CLCN4: variants seen among roughly 807,000 people sequenced by gnomAD.
CLCN4 encodes H(+)/Cl(-) exchange transporter 4.
Under a neutral mutation model 41.7 loss-of-function variants are expected in CLCN4, and 1 was observed. The observed-to-expected ratio is 0.02, with a 90% CI of 0.01 to 0.11. The LOEUF is 0.11. CLCN4 is among the 10% of genes least tolerant of loss of function. The pLI, the probability that CLCN4 is intolerant of heterozygous loss-of-function variation, is 1.00. For synonymous variants in CLCN4, 277 were observed against 285.8 expected (o/e 0.97, Z 0.31); for missense variants, 287 against 661.0 (o/e 0.43, Z 6.20).
chrX:10,197,524 G>C (rs1275219963), intron 5 of CLCN4, among the ~76,000 whole-genome samples: 2 of 110,783 alleles, frequency 1.8e-5, no homozygotes, highest in African/African-American at 6.6e-5. Flanking sequence ...GCTGTGCTTG[G>C]GCGTGGCCTT....
At chrX:10,175,913 CCTCT>C (rs1164134057) in intron 2 of CLCN4, among the ~76,000 whole-genome samples, 10 of 77,356 alleles carry the variant, frequency 1.3e-4, no homozygotes, top group Non-Finnish European at 2.2e-4. Flanking sequence ...TCCCTCCCTC[CCTCT>C]CTCTCTCTCT....
intron 12 of CLCN4, among the ~76,000 whole-genome samples, chrX:10,228,938 A>G (rs1490773420): frequency 2.7e-5 from 3 of 111,973 alleles, no homozygotes; most frequent in Non-Finnish European, 3.8e-5. Context: ...TTTGGTTGCC[A>G]TAATGGGGGA....
chrX:10,228,310 T>C (rs765332194), intron 12 of CLCN4, among the ~76,000 whole-genome samples: 1 of 107,438 alleles, frequency 9.3e-6, no homozygotes, highest in East Asian at 3.0e-4. Flanking sequence ...TTAAAGGGAA[T>C]TGGTTGCAGA....
chrX:10,166,804 C>G (rs1033290694), intron 2 of CLCN4, among the ~76,000 whole-genome samples: 5 of 112,151 alleles, frequency 4.5e-5, no homozygotes, highest in African/African-American at 1.6e-4. Flanking sequence ...GCAACACAAA[C>G]ACCTCACAGC....
chrX:10,187,596 C>T lies in CLCN4; in HGVS notation c.226C>T (p.Leu76Phe). 1 of 1,209,849 alleles carries T rather than the reference C, an allele frequency of 8.3e-7. No individual in the cohort carries two copies. Among genetic ancestry groups the T allele is most frequent in the East Asian group, 3.0e-5 (1 of 33,834 alleles). ...DAWSGWVVML[L>F]IGLLAGTLAG... ...CTGGTCGGGATGGGTGGTGATGCTG[C>T]TCATCGGCCTGCTGGCGGGTACGTG... Residue 76 changes from leucine to phenylalanine, a missense_variant, in exon 4 of 13, where the codon CTC becomes TTC. Around this residue, in one of 6 missense-constraint regions of CLCN4, gnomAD observed 90 missense variants for 209.8 expected, o/e 0.43. Coordinates refer to ENST00000380833, the MANE Select transcript of CLCN4 (RefSeq NM_001830.4).
At chrX:10,190,129 A>T (rs1923920153) in intron 4 of CLCN4, among the ~76,000 whole-genome samples, 1 of 111,742 alleles carries the variant, frequency 8.9e-6, no homozygotes. Context: ...TTTCAGTTAG[A>T]CTGGAGGAAT....
At chrX:10,164,312 G>C in intron 2 of CLCN4, among the ~76,000 whole-genome samples, 1 of 111,543 alleles carries the variant, frequency 9.0e-6, no homozygotes, top group East Asian at 2.8e-4. Flanking sequence ...GGAGATCGGC[G>C]TGTGCAAAGT....
chrX:10,229,401 ATATTT>A (rs1328102048), intron 12 of CLCN4, among the ~76,000 whole-genome samples: 1 of 108,901 alleles, frequency 9.2e-6, no homozygotes, highest in African/African-American at 3.3e-5. Flanking sequence ...ATATATATAT[ATATTT>A]TATTATACTT....
At chrX:10,211,328 A>G (rs1265030390) in intron 9 of CLCN4, among the ~76,000 whole-genome samples, 1 of 108,569 alleles carries the variant, frequency 9.2e-6, no homozygotes, top group African/African-American at 3.3e-5. Flanking sequence ...AGTGTGTCAT[A>G]GTGGTCAAAT....
chrX:10,206,382 A>T lies in CLCN4; in HGVS notation c.580A>T (p.Ile194Phe). Residue 194 changes from isoleucine (I) to phenylalanine (F), a missense_variant, in exon 7 of 13, where the codon ATC becomes TTC. Ile to Phe is a conservative substitution (Grantham distance 21). Around this residue, in one of 6 missense-constraint regions of CLCN4, gnomAD observed 90 missense variants for 209.8 expected, o/e 0.43. Transcript: ENST00000380833. ...GATAAAGACCATTTTGAGCGGCTTT[A>T]TCATCAGGGGCTACTTGGGGAAGTG... is the stretch of plus-strand genomic sequence containing the variant. Reference protein sequence around the residue: ...PEIKTILSGFIIRGYLGKWTL... With the variant: ...PEIKTILSGFFIRGYLGKWTL... The T allele has an allele frequency of 8.3e-7, 1 of 1,209,791 alleles. No homozygotes were observed.
At chrX:10,180,091 G>A (rs141471692) in intron 2 of CLCN4, among the ~76,000 whole-genome samples, 1,581 of 112,226 alleles carry the variant, frequency 0.014, 28 homozygotes, top group African/African-American at 0.048. Flanking sequence ...ATACAACTAC[G>A]AAGAAAACAT....
intron 12 of CLCN4, among the ~76,000 whole-genome samples, chrX:10,228,117 A>T (rs934738162): frequency 9.0e-6 from 1 of 110,569 alleles, no homozygotes; most frequent in Admixed American, 9.7e-5. Flanking sequence ...TTATTTTTAA[A>T]TGTACAGTTA....
chrX:10,186,891 G>A (rs1383454950), intron 3 of CLCN4, among the ~76,000 whole-genome samples: 2 of 111,744 alleles, frequency 1.8e-5, no homozygotes, highest in Non-Finnish European at 3.8e-5. Context: ...CATCCGGCCC[G>A]CAAAGCCCAA....
intron 12 of CLCN4, among the ~76,000 whole-genome samples, chrX:10,232,986 T>C (rs1471721182): frequency 8.9e-6 from 1 of 112,283 alleles, no homozygotes; most frequent in Non-Finnish European, 1.9e-5. Flanking sequence ...ACACTTGGCA[T>C]TCCTGTGGTG....
intron 4 of CLCN4, among the ~76,000 whole-genome samples, chrX:10,187,962 G>A (rs1050587437): frequency 5.4e-5 from 6 of 111,910 alleles, no homozygotes; most frequent in African/African-American, 2.0e-4. Flanking sequence ...CATTGCCCAG[G>A]CTGGAGGGCA....
chrX:10,195,526 C>T (rs769725584), intron 5 of CLCN4, among the ~76,000 whole-genome samples: 6 of 111,717 alleles, frequency 5.4e-5, no homozygotes, highest in African/African-American at 1.6e-4. Context: ...ATTGTTCACC[C>T]GTTTAAAGTG....
At chrX:10,199,524 G>A (rs997624084) in intron 6 of CLCN4, among the ~76,000 whole-genome samples, 3 of 111,489 alleles carry the variant, frequency 2.7e-5, no homozygotes, top group East Asian at 5.6e-4. Flanking sequence ...GACAGCAGGC[G>A]TAGATGGGTG....
chrX:10,215,304 T>A (rs916555000), intron 11 of CLCN4, among the ~76,000 whole-genome samples: 5 of 112,152 alleles, frequency 4.5e-5, no homozygotes, highest in African/African-American at 1.6e-4. Flanking sequence ...CTTTAAAATA[T>A]CTTTAAGGCA....
At chrX:10,174,567 C>G (rs1433030965) in intron 2 of CLCN4, among the ~76,000 whole-genome samples, 1 of 112,369 alleles carries the variant, frequency 8.9e-6, no homozygotes, top group African/African-American at 3.2e-5. Flanking sequence ...GTCTTGTTAG[C>G]CCATATTGCA....
Sources: allele counts gnomAD v4.1 joint callset (sites outside exome capture counted in the v4.1 genomes callset), GRCh38; gene constraint gnomAD v4.1.1; regional missense constraint gnomAD v4.1.1; transcripts MANE v1.5; gene names NCBI Gene and HGNC (gene_info 2026-07-23, HGNC 2026-07-21).